Variants in VPS13C observed in about 807,000 individuals in gnomAD.
VPS13C encodes the protein vacuolar protein sorting 13 homolog C, also known as intermembrane lipid transfer protein VPS13C.
In VPS13C, 358 loss-of-function variants were observed where a neutral mutation model predicts 456.8. The ratio of observed to expected loss-of-function variants is 0.78; its 90% CI spans 0.72 to 0.86. VPS13C has a LOEUF of 0.86. VPS13C is among the 40% of genes least tolerant of loss of function. The pLI is 0.00. For synonymous variants in VPS13C, 1,578 were observed against 1,486.7 expected, an observed-to-expected ratio of 1.06 and a Z score of -1.41; for missense variants, 4,818 against 4,385.4, an observed-to-expected ratio of 1.10 and a Z score of -2.79.
intron 27 of VPS13C, among the ~76,000 whole-genome samples, chr15:61,970,570 C>A (rs1413006694): frequency 6.6e-6 from 1 of 151,982 alleles, no homozygotes; most frequent in Non-Finnish European, 1.5e-5. Flanking sequence ...CCAAGGCAGG[C>A]GGATCACTTG....
chr15:61,943,403 C>T (rs2044494670), intron 45 of VPS13C, among the ~76,000 whole-genome samples: 1 of 152,082 alleles, frequency 6.6e-6, no homozygotes, highest in Non-Finnish European at 1.5e-5. Flanking sequence ...CAGCATGGTA[C>T]TGGTACAAAA....
In VPS13C at chr15:61,991,070, T is replaced by C; in HGVS notation, c.1508A>G (p.Glu503Gly). 1 of 1,612,360 alleles carries C rather than the reference T, an allele frequency of 6.2e-7. No homozygotes were observed. The highest frequency in any genetic ancestry group is 2.2e-5 in the East Asian group (1 of 44,728). Reference protein sequence around the residue: ...PETIDDLMTPEEKDKLFTAIG... With the variant: ...PETIDDLMTPGEKDKLFTAIG... ...GGCAGTGAAGAGTTTATCTTTTTCC[T>C]CTGGAGTCATAAGGTCATCAATAGC... is the stretch of plus-strand genomic sequence containing the variant. The change falls in exon 18 of 85, where the codon GAG becomes GGG. Residue 503 changes from glutamate (E) to glycine (G), a missense_variant. Glu to Gly is a moderately conservative substitution (Grantham distance 98). This residue lies in a region of VPS13C where 4,552 missense variants were observed against 4,130.6 expected (regional missense o/e 1.10). Coordinates refer to ENST00000644861, the MANE Select transcript of VPS13C (RefSeq NM_020821.3).
intron 9 of VPS13C, among the ~76,000 whole-genome samples, chr15:62,019,157 C>T (rs888167061): frequency 5.3e-5 from 8 of 152,062 alleles, no homozygotes; most frequent in East Asian, 1.9e-4. Flanking sequence ...TTTTTTATTG[C>T]GTCTATCTGA....
At chr15:61,995,328 A>T (rs899548493) in intron 16 of VPS13C, among the ~76,000 whole-genome samples, 7 of 152,278 alleles carry the variant, frequency 4.6e-5, no homozygotes, top group African/African-American at 1.7e-4. Context: ...CCTGCACAAG[A>T]CTGAGTTTTC....
At chr15:62,000,682 T>C (rs1179946569) in intron 15 of VPS13C, 56 bp from the exon 16 acceptor site, 1 of 1,483,940 alleles carries the variant, frequency 6.7e-7, no homozygotes, top group Non-Finnish European at 9.1e-7. Flanking sequence ...ATAAAAGAAA[T>C]TTTTCTTTCA....
chr15:62,040,857 T>G (rs1208484450), intron 3 of VPS13C, among the ~76,000 whole-genome samples: 3 of 152,198 alleles, frequency 2.0e-5, no homozygotes, highest in African/African-American at 7.2e-5. Flanking sequence ...TGTAGGAGTT[T>G]AACTGCAGAG....
intron 67 of VPS13C, among the ~76,000 whole-genome samples, chr15:61,884,580 T>C (rs1023648896): frequency 6.6e-6 from 1 of 152,030 alleles, no homozygotes. Flanking sequence ...AGTTATTAGA[T>C]AGGCAACTTA....
chr15:62,051,523 A>T (rs2048616996), intron 1 of VPS13C, among the ~76,000 whole-genome samples: 1 of 152,194 alleles, frequency 6.6e-6, no homozygotes, highest in Non-Finnish European at 1.5e-5. Context: ...CTTCAGAATA[A>T]CACTGTTCTC....
chr15:61,961,592 T>C lies in VPS13C; in HGVS notation c.3905A>G (p.Tyr1302Cys), dbSNP rs2303405. 112,774 of 1,581,818 alleles carry C rather than the reference T, an allele frequency of 0.071. 4,300 individuals are homozygous for C. Among genetic ancestry groups the C allele is most frequent in the Middle Eastern group, 0.08 (469 of 5,868 alleles). The change falls in exon 35 of 85, where the codon TAT becomes TGT. Residue 1302 changes from tyrosine (Y) to cysteine (C), a missense_variant. Coordinates refer to ENST00000644861, the MANE Select transcript of VPS13C (RefSeq NM_020821.3). ...MDVQLTKLTLYRTVIQPGIYH... is the reference protein window; with the variant it reads ...MDVQLTKLTLCRTVIQPGIYH... ...CATAATTATTGAAAGAGCATACCTATAAAGTGTAAGCTTTGTTAGCTGCAC... is the reference window on the plus strand; with the variant it reads ...CATAATTATTGAAAGAGCATACCTACAAAGTGTAAGCTTTGTTAGCTGCAC...
At position 61,910,244 on chromosome 15, in the gene VPS13C, T is replaced by G; in HGVS notation, c.8777A>C (p.Glu2926Ala). 1 of 1,529,068 alleles carries G rather than the reference T, an allele frequency of 6.5e-7. No individual in the cohort carries two copies. Among genetic ancestry groups the G allele is most frequent in the Non-Finnish European group, 8.8e-7 (1 of 1,132,442 alleles). 94.7% of individuals were successfully genotyped at this position (1,529,068 alleles called of 1,614,324 possible). ...GKLCVRVVGC[E>A]GSSKPFFYNR... The stretch of plus-strand genomic sequence containing the variant: ...ATAAAAGAATGGTTTGGAAGATCCT[T>G]CACAGCCCACCACTCTCACACAAAG... Residue 2926 changes from glutamate (E) to alanine (A), a missense_variant, in exon 64 of 85, where the codon GAA becomes GCA. Physicochemically the swap from Glu to Ala is moderately radical, Grantham distance 107. This residue lies in a region of VPS13C where 4,552 missense variants were observed against 4,130.6 expected (regional missense o/e 1.10). Coordinates refer to ENST00000644861, the MANE Select transcript of VPS13C (RefSeq NM_020821.3).
chr15:61,877,552 T>C (rs1895540178), intron 74 of VPS13C, among the ~76,000 whole-genome samples: 1 of 151,438 alleles, frequency 6.6e-6, no homozygotes, highest in Non-Finnish European at 1.5e-5. Flanking sequence ...AATGATGCCA[T>C]GCGTATGTTG....
chr15:61,892,745 G>A (rs1160733898), intron 66 of VPS13C, among the ~76,000 whole-genome samples: 1 of 152,110 alleles, frequency 6.6e-6, no homozygotes, highest in African/African-American at 2.4e-5. Context: ...AACTTCCAAG[G>A]CAACACAGAA....
At chr15:62,015,083 T>C (rs2047181754) in intron 9 of VPS13C, among the ~76,000 whole-genome samples, 1 of 152,180 alleles carries the variant, frequency 6.6e-6, no homozygotes, top group Admixed American at 6.6e-5. Flanking sequence ...ATGACTATTT[T>C]GTATTTTTTG....
At position 61,929,751 on chromosome 15, in the gene VPS13C, G is replaced by GA. The variant is rs749633941; in HGVS notation, c.6039-4dup. The GA allele has an allele frequency of 4.5e-5, 72 of 1,595,480 alleles. No homozygotes were observed. The highest frequency in any genetic ancestry group is 1.5e-4 in the African/African-American group (11 of 73,682). ...GGTCATTCTTTCTGTCAATCATTCT[G>GA]AAAAAAAACATGCTATTCATTATTT... On this transcript the variant is annotated splice_polypyrimidine_tract_variant and splice_region_variant and intron_variant, in intron 50 of 84. Coordinates refer to ENST00000644861, the MANE Select transcript of VPS13C (RefSeq NM_020821.3).
At chr15:61,930,196 G>T (rs1185117593) in intron 50 of VPS13C, among the ~76,000 whole-genome samples, 1 of 152,162 alleles carries the variant, frequency 6.6e-6, no homozygotes, top group Non-Finnish European at 1.5e-5. Flanking sequence ...GAAAATTTGA[G>T]TCTGAAAGTA....
chr15:62,033,463 G>T lies in VPS13C; in HGVS notation c.363C>A (p.Ala121=). 1 of 1,603,344 alleles carries T rather than the reference G, an allele frequency of 6.2e-7. No individual in the cohort carries two copies. Among genetic ancestry groups the T allele is most frequent in the Non-Finnish European group, 8.5e-7 (1 of 1,174,650 alleles). The change falls in exon 5 of 85, where the codon GCC becomes GCA. Residue 121 remains alanine, a synonymous_variant. Coordinates refer to ENST00000644861, the MANE Select transcript of VPS13C (RefSeq NM_020821.3). Reference sequence around the variant, plus strand: ...TACCTTTTTCTGCTGCTTTTTGAAGGGCTTCTTCAATTCGGGATAGCTCTT... The same window carrying T: ...TACCTTTTTCTGCTGCTTTTTGAAGTGCTTCTTCAATTCGGGATAGCTCTT... ...KQKELSRIEE[A]LQKAAEKGTH... is the part of the protein sequence containing the mutation.
Position 61,974,328 on chromosome 15 carries a change from G to C in VPS13C, c.2498C>G (p.Pro833Arg). The C allele has an allele frequency of 6.2e-7, 1 of 1,612,418 alleles. No homozygotes were observed. Among genetic ancestry groups the C allele is most frequent in the Non-Finnish European group, 8.5e-7 (1 of 1,178,924 alleles). The change falls in exon 25 of 85, where the codon CCT becomes CGT. Residue 833 changes from proline (P) to arginine (R), a missense_variant. Physicochemically the swap from Pro to Arg is moderately radical, Grantham distance 103. This residue lies in a region of VPS13C where 4,552 missense variants were observed against 4,130.6 expected (regional missense o/e 1.10). Coordinates refer to ENST00000644861, the MANE Select transcript of VPS13C (RefSeq NM_020821.3). ...KDVLYLMNSI[P>R]LPQKSSAQSP... ...CTGGGCTGATGATTTCTGTGGCAAA[G>C]GTATACTGTTCATCAAATATAGCAC...
intron 9 of VPS13C, among the ~76,000 whole-genome samples, chr15:62,015,597 T>C (rs1489711563): frequency 6.9e-6 from 1 of 144,172 alleles, no homozygotes; most frequent in Non-Finnish European, 1.5e-5. Flanking sequence ...TATGCAGCCA[T>C]AAAAAATGAT....
intron 9 of VPS13C, among the ~76,000 whole-genome samples, chr15:62,014,309 T>A (rs1194741314): frequency 2.0e-5 from 3 of 152,106 alleles, no homozygotes; most frequent in African/African-American, 7.2e-5. Flanking sequence ...ATGGTATACA[T>A]TCTTTTTAAA....
Sources: allele counts gnomAD v4.1 joint callset (sites outside exome capture counted in the v4.1 genomes callset), GRCh38; gene constraint gnomAD v4.1.1; regional missense constraint gnomAD v4.1.1; transcripts MANE v1.5; gene names NCBI Gene and HGNC (gene_info 2026-07-23, HGNC 2026-07-21).